Variants in ASTN2 observed in about 807,000 individuals in gnomAD.
ASTN2 encodes the protein astrotactin 2.
ASTN2 carries 54 observed loss-of-function variants against 139.8 expected under a neutral mutation model. The observed-to-expected ratio is 0.39, with a 90% CI of 0.31 to 0.48. The LOEUF is 0.48. Among genes scored for constraint, ASTN2 ranks in the 20% least tolerant of loss-of-function variants. The pLI is 0.95. For missense variants in ASTN2, 1,565 were observed against 1,725.1 expected (o/e 0.91, Z 1.64); for synonymous variants, 756 against 719.5 (o/e 1.05, Z -0.81).
chr9:116,700,746 C>G (rs1024891187), intron 16 of ASTN2: 1 of 166,922 alleles, frequency 6.0e-6, no homozygotes, highest in African/African-American at 2.4e-5. Context: ...AGAACTGTTT[C>G]TTCATCTCTG....
chr9:116,766,240 C>T (rs117403582), intron 13 of ASTN2, among the ~76,000 whole-genome samples: 332 of 152,164 alleles, frequency 2.2e-3, no homozygotes, highest in Non-Finnish European at 4.1e-3. Context: ...TGGGTATACA[C>T]GCACAAATAC....
intron 3 of ASTN2, among the ~76,000 whole-genome samples, chr9:117,184,982 A>G (rs990647051): frequency 4.6e-5 from 7 of 152,166 alleles, no homozygotes; most frequent in African/African-American, 1.7e-4. Context: ...CCAGCTTCAC[A>G]GGTAAGGAAT....
At position 116,784,340 on chromosome 9, in the gene ASTN2, T is replaced by C. The variant is rs187695376; in HGVS notation, c.2396+21292A>G. ...ATAACACTGGCTCTTCTCTGTAAGC[T>C]TGTTGTGGCAATTAAAGAAAAGACA... is the stretch of plus-strand genomic sequence containing the variant. On this transcript the variant is annotated intron_variant, in intron 13 of 22. Transcript: ENST00000313400. 4.1e-4 allele frequency among the ~76,000 whole-genome samples: 63 copies of C among 152,352 alleles called. No homozygotes were observed. The Middle Eastern group carries it at 0.014, about 33-fold the overall frequency.
intron 4 of ASTN2, among the ~76,000 whole-genome samples, chr9:117,109,333 AAAAAATAAATAAATAAATAAAT>A (rs1829190819): frequency 1.4e-5 from 1 of 72,196 alleles, no homozygotes; most frequent in Admixed American, 1.4e-4. Flanking sequence ...ACCCTGTCTC[AAAAAATAAATAAATAAATAAAT>A]AAAAATAAAT....
intron 7 of ASTN2, among the ~76,000 whole-genome samples, chr9:117,007,116 C>T (rs1275034991): frequency 1.3e-5 from 2 of 152,040 alleles, no homozygotes; most frequent in Non-Finnish European, 2.9e-5. Context: ...ACACGTCCCT[C>T]GGATATTGAC....
rs756532742 is a variant in ASTN2 at position 117,096,169 on chromosome 9, C to A, written c.1169-18G>T. ...GATTCCTCCTGTGAGTAAGCACAGTCTATCAGTTAGTCTCCCAGGCCTCCA... is the reference window on the plus strand; with the variant it reads ...GATTCCTCCTGTGAGTAAGCACAGTATATCAGTTAGTCTCCCAGGCCTCCA... On this transcript the variant is annotated intron_variant, in intron 4 of 22. Transcript: ENST00000313400. 5.0e-6 allele frequency: 8 copies of A among 1,602,364 alleles called. No individual in the cohort carries two copies. The East Asian group carries it at 1.6e-4, about 31-fold the overall frequency.
intron 19 of ASTN2, among the ~76,000 whole-genome samples, chr9:116,565,253 C>G (rs200530388): frequency 1.8e-5 from 2 of 110,044 alleles, no homozygotes; most frequent in Non-Finnish European, 3.7e-5. Context: ...CACACACACA[C>G]ACACATATGC....
chr9:117,301,024 T>G (rs1834863236), intron 1 of ASTN2, among the ~76,000 whole-genome samples: 1 of 152,148 alleles, frequency 6.6e-6, no homozygotes, highest in Non-Finnish European at 1.5e-5. Flanking sequence ...TATACCCAGT[T>G]AAATAAGGGA....
At chr9:116,586,513 C>T (rs965067988) in intron 19 of ASTN2, among the ~76,000 whole-genome samples, 35 of 152,110 alleles carry the variant, frequency 2.3e-4, no homozygotes, top group South Asian at 1.0e-3. Context: ...CAGCTGGAGG[C>T]GATTATCCTA....
intron 2 of ASTN2, 110 bp from the exon 3 acceptor site, chr9:117,214,852 T>C (rs1468764813): frequency 5.7e-6 from 7 of 1,232,242 alleles, no homozygotes; most frequent in Non-Finnish European, 7.2e-6. Flanking sequence ...GTTTGGCTCA[T>C]AGAGCCTCAG....
rs1208773152 is a variant in ASTN2 at position 117,414,802 on chromosome 9, G to A, written c.137C>T (p.Pro46Leu). The A allele has an allele frequency of 1.7e-5, 21 of 1,217,746 alleles. No individual in the cohort carries two copies. Among genetic ancestry groups the A allele is most frequent in the South Asian group, 8.1e-5 (3 of 36,874 alleles). 75.4% of individuals were successfully genotyped at this position (1,217,746 alleles called of 1,614,324 possible). A position where few individuals can be genotyped will look rare whatever the true frequency, so the allele number is the denominator to read the frequency against. Residue 46 changes from proline to leucine, a missense_variant, in exon 1 of 23, where the codon CCG becomes CTG. By Grantham distance (98) the Pro-to-Leu change is moderately conservative (BLOSUM62 -3). Transcript: ENST00000313400. This position sits in a 1 kb window ranked among gnomAD's most constrained non-coding sequence, Gnocchi z 4.2. Reference sequence around the variant, plus strand: ...AGCGGCGGTGGCGCCGGCCAGCAGCGGCGGCGGCGGCAGCAGGAGCAGGAA... The same window carrying A: ...AGCGGCGGTGGCGCCGGCCAGCAGCAGCGGCGGCGGCAGCAGGAGCAGGAA... ...LLFLLLLPPPPLLAGATAAAS... is the reference protein window; with the variant it reads ...LLFLLLLPPPLLLAGATAAAS...
chr9:117,181,257 C>A (rs943312901), intron 3 of ASTN2: 6 of 513,324 alleles, frequency 1.2e-5, no homozygotes, highest in African/African-American at 9.6e-5. Flanking sequence ...AGAATGCTCA[C>A]ATAACTATTT....
At chr9:117,378,296 A>G (rs1307937737) in intron 1 of ASTN2, among the ~76,000 whole-genome samples, 2 of 152,174 alleles carry the variant, frequency 1.3e-5, no homozygotes, top group Non-Finnish European at 2.9e-5. Context: ...TGTTTCCACC[A>G]TCTTCAAGGT....
intron 10 of ASTN2, among the ~76,000 whole-genome samples, chr9:116,927,376 T>C (rs111638951): frequency 0.045 from 6,890 of 152,304 alleles, 474 homozygotes; most frequent in African/African-American, 0.15. Context: ...ATAAGCCTTA[T>C]AATCACGGGG....
At chr9:116,780,059 A>C (rs1830178166) in intron 13 of ASTN2, among the ~76,000 whole-genome samples, 1 of 152,190 alleles carries the variant, frequency 6.6e-6, no homozygotes, top group Non-Finnish European at 1.5e-5. Context: ...TCATTCATTC[A>C]TTGAACAACT....
intron 3 of ASTN2, among the ~76,000 whole-genome samples, chr9:117,147,164 A>C (rs1482937613): frequency 7.9e-5 from 12 of 152,284 alleles, no homozygotes; most frequent in Admixed American, 7.8e-4. Flanking sequence ...CCTGGAGAAG[A>C]GGCACTACAC....
At chr9:117,158,273 T>C (rs951182822) in intron 3 of ASTN2, among the ~76,000 whole-genome samples, 2 of 151,902 alleles carry the variant, frequency 1.3e-5, no homozygotes, top group African/African-American at 2.4e-5. Context: ...TCAAAGGAAA[T>C]AGAAAACAGG....
chr9:116,651,648 T>C lies in ASTN2; in HGVS notation c.2952A>G (p.Pro984=), dbSNP rs890708576. 17 of 1,614,014 alleles carry C rather than the reference T, an allele frequency of 1.1e-5. No individual in the cohort carries two copies. Among genetic ancestry groups the C allele is most frequent in the Admixed American group, 8.3e-5 (5 of 60,000 alleles). Residue 984 remains proline (P), a synonymous_variant, in exon 17 of 23, where the codon CCA becomes CCG. Coordinates refer to ENST00000313400, the MANE Select transcript of ASTN2 (RefSeq NM_001365068.1). ...EIRCEEKGRC[P]STCHLCRRPG... ...GCCGGCGGCAAAGGTGACAGGTAGA[T>C]GGACAGCGCCCCTTCTCCTCACAGC...
chr9:116,966,705 TA>T (rs199969584), intron 10 of ASTN2, among the ~76,000 whole-genome samples: 7,904 of 142,408 alleles, frequency 0.056, 297 homozygotes, highest in East Asian at 0.2. Context: ...TCATTTTCTT[TA>T]AAAAAAAAAA....
Sources: gnomAD v4.1 joint callset for allele counts (sites outside exome capture counted in the v4.1 genomes callset) on GRCh38, gnomAD v4.1.1 for gene constraint, Gnocchi (gnomAD v3.1) non-coding constraint, MANE v1.5 for transcripts, NCBI Gene and HGNC (gene_info 2026-07-23, HGNC 2026-07-21) for gene names.